The following ADAMTS6 variants were observed in gnomAD, a reference collection of about 807,000 sequenced individuals.
The protein encoded by ADAMTS6 is A disintegrin and metalloproteinase with thrombospondin motifs 6.
ADAMTS6 carries 23 observed loss-of-function variants against 144.3 expected under a neutral mutation model. The ratio of observed to expected loss-of-function variants is 0.16; its 90% confidence interval spans 0.11 to 0.23. The LOEUF (loss-of-function observed/expected upper bound fraction) is 0.23. Ranked by LOEUF, ADAMTS6 falls within the 10% of genes least tolerant of loss-of-function variation. ADAMTS6 has a pLI of 1.00. For synonymous variants in ADAMTS6, 444 were observed against 457.5 expected (o/e 0.97, Z 0.38); for missense variants, 999 against 1,379.6 (o/e 0.72, Z 4.37).
intron 22 of ADAMTS6, among the ~76,000 whole-genome samples, chr5:65,182,399 G>A (rs748782351): frequency 2.7e-5 from 4 of 146,040 alleles, no homozygotes; most frequent in Non-Finnish European, 4.5e-5. Flanking sequence ...AATCGAGACC[G>A]TGCCACTACA....
Position 65,275,417 on chromosome 5 carries a change from A to AAGAG in ADAMTS6, c.1513-1971_1513-1970insCTCT, listed in dbSNP as rs2112671836. Among the ~76,000 whole-genome samples, 3 of 141,878 alleles carry AAGAG rather than the reference A, an allele frequency of 2.1e-5. No homozygotes were observed. The South Asian group carries it at 6.9e-4, about 32-fold the overall frequency. 93.1% of individuals were successfully genotyped at this position (141,878 alleles called of 152,430 possible). The stretch of plus-strand genomic sequence containing the variant: ...AAAGAAAGAAAGAAAGAAAGAAAGA[A>AAGAG]AAGAAAGAAAGAAAGAAAAGAAAAA... On this transcript the variant is annotated intron_variant, in intron 11 of 24. Coordinates refer to ENST00000381055, the MANE Select transcript of ADAMTS6 (RefSeq NM_197941.4).
chr5:65,384,537 T>C (rs190624858), intron 7 of ADAMTS6, among the ~76,000 whole-genome samples: 250 of 152,314 alleles, frequency 1.6e-3, no homozygotes, highest in African/African-American at 5.4e-3. Flanking sequence ...ATATTCCTCA[T>C]TTCCATGGGA....
At chr5:65,378,765 T>C (rs1006891668) in intron 7 of ADAMTS6, among the ~76,000 whole-genome samples, 2 of 152,208 alleles carry the variant, frequency 1.3e-5, no homozygotes, top group Admixed American at 6.5e-5. Flanking sequence ...CATTTGCTTG[T>C]ATCATTCACT....
rs765282020 is a variant in ADAMTS6 at position 65,300,108 on chromosome 5, A to G, written c.1247T>C (p.Ile416Thr). ...ACCTTTCGTCCCACAAGAATTTCCAATTCCATCATGGTTCATACCAAAACT... is the reference window on the plus strand; with the variant it reads ...ACCTTTCGTCCCACAAGAATTTCCAGTTCCATCATGGTTCATACCAAAACT... ...GHNFGMNHDG[I>T]GNSCGTKGHE... The change falls in exon 10 of 25, where the codon ATT becomes ACT. Residue 416 changes from isoleucine to threonine, a missense_variant. By Grantham distance (89) the Ile-to-Thr change is moderately conservative. Around this residue, in one of 3 missense-constraint regions of ADAMTS6, gnomAD observed 128 missense variants for 249.0 expected, o/e 0.51. Coordinates refer to ENST00000381055, the MANE Select transcript of ADAMTS6 (RefSeq NM_197941.4). The G allele has an allele frequency of 6.2e-7, 1 of 1,614,136 alleles. No individual in the cohort carries two copies. Among genetic ancestry groups the G allele is most frequent in the East Asian group, 2.2e-5 (1 of 44,876 alleles).
At chr5:65,281,081 C>T (rs1020751964) in intron 11 of ADAMTS6, among the ~76,000 whole-genome samples, 12 of 152,076 alleles carry the variant, frequency 7.9e-5, no homozygotes, top group Non-Finnish European at 2.9e-5. Context: ...CTATGCCAGG[C>T]ATATTCATAT....
intron 14 of ADAMTS6, among the ~76,000 whole-genome samples, chr5:65,252,705 C>G (rs1396854148): frequency 6.6e-6 from 1 of 151,730 alleles, no homozygotes; most frequent in Non-Finnish European, 1.5e-5. Context: ...TATGTAAAAC[C>G]ATGAGAACCA....
intron 7 of ADAMTS6, among the ~76,000 whole-genome samples, chr5:65,450,887 A>G (rs896660637): frequency 3.3e-5 from 5 of 152,276 alleles, no homozygotes; most frequent in Admixed American, 1.3e-4. Context: ...GGAAAGCAAT[A>G]TAAGAATTCA....
At chr5:65,161,111 T>C (rs1435935690) in intron 24 of ADAMTS6, among the ~76,000 whole-genome samples, 1 of 152,122 alleles carries the variant, frequency 6.6e-6, no homozygotes, top group Non-Finnish European at 1.5e-5. Context: ...TGATCATGGC[T>C]CACTGCAACC....
At chr5:65,268,684 C>T (rs1761822640) in intron 12 of ADAMTS6, among the ~76,000 whole-genome samples, 1 of 152,166 alleles carries the variant, frequency 6.6e-6, no homozygotes, top group Admixed American at 6.5e-5. Flanking sequence ...ATAGCGATGT[C>T]AGACCCCCCA....
At chr5:65,391,213 C>T (rs972004921) in intron 7 of ADAMTS6, among the ~76,000 whole-genome samples, 1 of 151,966 alleles carries the variant, frequency 6.6e-6, no homozygotes, top group Admixed American at 6.5e-5. Context: ...AACCACGAAG[C>T]CTGGCCTTGT....
chr5:65,469,769 A>G (rs908225737), intron 3 of ADAMTS6, among the ~76,000 whole-genome samples: 10 of 152,252 alleles, frequency 6.6e-5, no homozygotes, highest in Admixed American at 6.5e-4. Context: ...AAACTTATTT[A>G]AACCCAACTC....
In ADAMTS6 at chr5:65,334,017, AAAAAAAAAAC is replaced by A. The variant is rs773470970; in HGVS notation, c.1117+15_1117+24del. 9.2e-4 allele frequency: 1,316 copies of A among 1,424,404 alleles called. 10 individuals carry two copies. In the African/African-American group the frequency reaches 0.019, roughly 20 times the overall value. The allele number at this position is 1,424,404 out of a possible 1,614,324, so 88.2% of individuals were successfully genotyped here. ...TTTATTAAAAAAAAAAAAAAAAAAAAAAAAAAAAACCAAAAAAAACTTACCCAGTGTTCCA... is the reference window on the plus strand; with the variant it reads ...TTTATTAAAAAAAAAAAAAAAAAAAACAAAAAAAACTTACCCAGTGTTCCA... On this transcript the variant is annotated intron_variant, in intron 8 of 24. Coordinates refer to ENST00000381055, the MANE Select transcript of ADAMTS6 (RefSeq NM_197941.4).
chr5:65,305,932 C>G (rs535488431), intron 9 of ADAMTS6, among the ~76,000 whole-genome samples: 13 of 152,300 alleles, frequency 8.5e-5, no homozygotes, highest in African/African-American at 3.1e-4. Context: ...TTCTTTTACT[C>G]AGGCCATTTG....
At chr5:65,235,597 G>T (rs762441528) in intron 15 of ADAMTS6, among the ~76,000 whole-genome samples, 56 of 152,172 alleles carry the variant, frequency 3.7e-4, no homozygotes, top group Non-Finnish European at 5.7e-4. Context: ...AATGTGAAAA[G>T]AGAGACTGGC....
intron 7 of ADAMTS6, among the ~76,000 whole-genome samples, chr5:65,359,017 C>G (rs1749590430): frequency 6.6e-6 from 1 of 152,038 alleles, no homozygotes. Flanking sequence ...AAAGCAAAAG[C>G]AGACAATAGG....
intron 7 of ADAMTS6, among the ~76,000 whole-genome samples, chr5:65,433,238 A>G (rs1757128187): frequency 6.6e-6 from 1 of 152,146 alleles, no homozygotes; most frequent in Non-Finnish European, 1.5e-5. Flanking sequence ...AAAACCTAGT[A>G]TGTGACTAAC....
chr5:65,265,519 A>T (rs1487814420), intron 12 of ADAMTS6, among the ~76,000 whole-genome samples: 1 of 151,752 alleles, frequency 6.6e-6, no homozygotes, highest in African/African-American at 2.4e-5. Flanking sequence ...TTATGTTTGC[A>T]CCCAGTTTTC....
chr5:65,252,700 A>G (rs1760285728), intron 14 of ADAMTS6, among the ~76,000 whole-genome samples: 1 of 152,070 alleles, frequency 6.6e-6, no homozygotes, highest in African/African-American at 2.4e-5. Context: ...TATTATATGT[A>G]AAACCATGAG....
At chr5:65,391,527 T>G (rs1752914242) in intron 7 of ADAMTS6, among the ~76,000 whole-genome samples, 1 of 152,016 alleles carries the variant, frequency 6.6e-6, no homozygotes, top group African/African-American at 2.4e-5. Context: ...AGAAATCCAC[T>G]TAATGCATAC....
Sources: gnomAD v4.1 joint callset for allele counts (sites outside exome capture counted in the v4.1 genomes callset) on GRCh38, gnomAD v4.1.1 for gene constraint, gnomAD v4.1.1 regional missense constraint, MANE v1.5 for transcripts, NCBI Gene and HGNC (gene_info 2026-07-23, HGNC 2026-07-21) for gene names.